ZNF148: variants seen among roughly 807,000 people sequenced by gnomAD.
ZNF148 encodes the protein zinc finger protein 148, also known as Beta-Enolase Repressor Factor-1.
A neutral mutation model predicts 67.7 loss-of-function variants in ZNF148; 7 were observed. The observed-to-expected ratio is 0.10, with a 90% confidence interval of 0.06 to 0.19. ZNF148 has a LOEUF of 0.19. Among genes scored for constraint, ZNF148 ranks in the 10% least tolerant of loss-of-function variants. The pLI, the probability that ZNF148 is intolerant of heterozygous loss-of-function variation, is 1.00. For synonymous variants in ZNF148, 333 were observed against 330.7 expected, an observed-to-expected ratio of 1.01 and a Z score of -0.08; for missense variants, 583 against 947.1, an observed-to-expected ratio of 0.62 and a Z score of 5.05.
At chr3:125,342,390 C>G (rs1941766952) in intron 1 of ZNF148, among the ~76,000 whole-genome samples, 1 of 149,730 alleles carries the variant, frequency 6.7e-6, no homozygotes, top group South Asian at 2.1e-4. Flanking sequence ...CAGAGAGAAA[C>G]AACACATTAC....
At chr3:125,316,662 T>C (rs1045173114) in intron 3 of ZNF148, among the ~76,000 whole-genome samples, 2 of 152,242 alleles carry the variant, frequency 1.3e-5, no homozygotes, top group Non-Finnish European at 2.9e-5. Context: ...GAAATGTCTA[T>C]TGAAATCTTT....
At chr3:125,252,843 C>T (rs13061044) in intron 7 of ZNF148, among the ~76,000 whole-genome samples, 3,908 of 151,612 alleles carry the variant, frequency 0.026, 104 homozygotes, top group South Asian at 0.083. Context: ...CTTTACTGTA[C>T]ATCAAGTGAA....
In ZNF148 at chr3:125,229,783, G is replaced by T. The variant is rs1003334669; in HGVS notation, c.*2558C>A. ...TACTTATTTTCTCCATTAATGCCCA[G>T]ATAGAAATTAAATAACCTTCTGAAC... On this transcript the variant is annotated 3_prime_UTR_variant, in exon 9 of 9. Coordinates refer to ENST00000360647, the MANE Select transcript of ZNF148 (RefSeq NM_021964.3). 4.6e-5 allele frequency: 7 copies of T among 152,174 alleles called. No homozygotes were observed. The highest frequency in any genetic ancestry group is 6.5e-5 in the Admixed American group (1 of 15,270). 9.4% of individuals were successfully genotyped at this position (152,174 alleles called of 1,614,324 possible).
chr3:125,229,011 C>A lies in ZNF148; in HGVS notation c.*3330G>T, dbSNP rs901249825. Reference sequence around the variant, plus strand: ...TTATTTGCAGAATATAGCAAAACAACTGGAAAATTATTTCCCTGAAATAAA... The same window carrying A: ...TTATTTGCAGAATATAGCAAAACAAATGGAAAATTATTTCCCTGAAATAAA... On this transcript the variant is annotated 3_prime_UTR_variant, in exon 9 of 9. Transcript: ENST00000360647. The A allele has an allele frequency of 4.6e-5, 7 of 152,412 alleles. No homozygotes were observed. The highest frequency in any genetic ancestry group is 7.4e-5 in the Non-Finnish European group (5 of 67,946). 9.4% of individuals were successfully genotyped at this position (152,412 alleles called of 1,614,324 possible).
intron 7 of ZNF148, among the ~76,000 whole-genome samples, chr3:125,272,002 C>T (rs2107595406): frequency 6.6e-6 from 1 of 152,302 alleles, no homozygotes; most frequent in South Asian, 2.1e-4. Context: ...CAGCTTCCTT[C>T]AGTACACTGT....
chr3:125,305,394 T>C (rs556901135), intron 4 of ZNF148, among the ~76,000 whole-genome samples: 62 of 152,294 alleles, frequency 4.1e-4, no homozygotes, highest in Non-Finnish European at 5.4e-4. Context: ...ACATGACAAT[T>C]AAATTCAACA....
Position 125,342,575 on chromosome 3 carries a change from T to A in ZNF148, c.-233-11337A>T, listed in dbSNP as rs563319965. On this transcript the variant is annotated intron_variant, in intron 1 of 8. Transcript: ENST00000360647. ...ATAATAAGGAAATAAAAGTATATTC[T>A]CAAATGAAGAAAAGTTAAAAAAAAA... 2.1e-4 allele frequency among the ~76,000 whole-genome samples: 32 copies of A among 150,632 alleles called. No homozygotes were observed. In the South Asian group the frequency reaches 6.5e-3, roughly 30 times the overall value.
chr3:125,252,793 A>G (rs1436692709), intron 7 of ZNF148, among the ~76,000 whole-genome samples: 1 of 151,778 alleles, frequency 6.6e-6, no homozygotes, highest in African/African-American at 2.4e-5. Context: ...AAACCCACAA[A>G]AAAACACATC....
chr3:125,307,479 T>A (rs75581669), intron 4 of ZNF148, among the ~76,000 whole-genome samples: 1 of 152,070 alleles, frequency 6.6e-6, no homozygotes, highest in Non-Finnish European at 1.5e-5. Context: ...ATTTTTTGTA[T>A]TTTTTTAGTT....
chr3:125,336,148 C>T (rs566509022), intron 1 of ZNF148, among the ~76,000 whole-genome samples: 161 of 152,292 alleles, frequency 1.1e-3, no homozygotes, highest in African/African-American at 3.6e-3. Flanking sequence ...TACACATTAA[C>T]TGTTTATGCT....
intron 1 of ZNF148, among the ~76,000 whole-genome samples, chr3:125,363,817 T>C (rs1259915132): frequency 6.6e-6 from 1 of 151,910 alleles, no homozygotes; most frequent in East Asian, 1.9e-4. Context: ...GCCCCGCTAA[T>C]TTTTTTATCT....
chr3:125,279,428 T>C (rs1938256280), intron 5 of ZNF148, among the ~76,000 whole-genome samples, 181 bp from the exon 6 acceptor site: 1 of 152,142 alleles, frequency 6.6e-6, no homozygotes, highest in African/African-American at 2.4e-5. Context: ...GAAAGTACAA[T>C]GTGACTCAGA....
At chr3:125,271,751 A>G (rs1312299488) in intron 7 of ZNF148, among the ~76,000 whole-genome samples, 3 of 152,152 alleles carry the variant, frequency 2.0e-5, no homozygotes, top group African/African-American at 7.2e-5. Flanking sequence ...CTTAAGTATC[A>G]CTAGGTCTAT....
At chr3:125,278,220 T>C (rs1483431715) in intron 6 of ZNF148, among the ~76,000 whole-genome samples, 2 of 152,132 alleles carry the variant, frequency 1.3e-5, no homozygotes, top group Non-Finnish European at 2.9e-5. Context: ...CTTTTACATA[T>C]TTTCTTCAGA....
intron 4 of ZNF148, among the ~76,000 whole-genome samples, chr3:125,295,838 A>T (rs1939253976): frequency 6.6e-6 from 1 of 152,208 alleles, no homozygotes; most frequent in African/African-American, 2.4e-5. Flanking sequence ...TGGCAGTAGT[A>T]ATAATATCCA....
chr3:125,296,045 AAT>A (rs1412449857), intron 4 of ZNF148, among the ~76,000 whole-genome samples: 1 of 152,076 alleles, frequency 6.6e-6, no homozygotes, highest in African/African-American at 2.4e-5. Context: ...CAAAAAAAAA[AAT>A]CTTTCCTTTC....
intron 5 of ZNF148, among the ~76,000 whole-genome samples, chr3:125,284,570 C>A (rs577309479): frequency 1.3e-5 from 2 of 151,942 alleles, no homozygotes; most frequent in South Asian, 4.1e-4. Context: ...AACTGCAATA[C>A]GCAATTTTAA....
chr3:125,338,868 T>C (rs978289746), intron 1 of ZNF148: 1 of 152,176 alleles, frequency 6.6e-6, no homozygotes, highest in Non-Finnish European at 1.5e-5. Flanking sequence ...CTAGAATACA[T>C]GCCCAGAATT....
chr3:125,368,733 C>T (rs1282858876), intron 1 of ZNF148, among the ~76,000 whole-genome samples: 3 of 151,914 alleles, frequency 2.0e-5, no homozygotes, highest in Non-Finnish European at 4.4e-5. Context: ...TCACTTGAGG[C>T]CAGGAGTTCG....
Sources: gnomAD v4.1 joint callset for allele counts (sites outside exome capture counted in the v4.1 genomes callset) on GRCh38, gnomAD v4.1.1 for gene constraint, MANE v1.5 for transcripts, NCBI Gene and HGNC (gene_info 2026-07-23, HGNC 2026-07-21) for gene names.